CCNH: variants seen among roughly 807,000 people sequenced by gnomAD.
CCNH encodes the protein cyclin-H.
In CCNH, 31 loss-of-function variants were observed where a neutral mutation model predicts 41.9. The ratio of observed to expected loss-of-function variants is 0.74; its 90% confidence interval spans 0.56 to 1.00. The LOEUF (loss-of-function observed/expected upper bound fraction) is 1.00, where lower values mean the gene tolerates loss of function less well. Among genes scored for constraint, CCNH ranks in the 50% least tolerant of loss-of-function variants. The pLI is 0.00. For missense variants in CCNH, 362 were observed against 388.4 expected, an observed-to-expected ratio of 0.93 and a Z score of 0.57; for synonymous variants, 138 against 136.1, an observed-to-expected ratio of 1.01 and a Z score of -0.10.
chr5:87,340,773 G>A (rs1044107676), intron 9 of CCNH, among the ~76,000 whole-genome samples: 2 of 152,032 alleles, frequency 1.3e-5, no homozygotes, highest in South Asian at 2.1e-4. Flanking sequence ...AGCAAAAAGT[G>A]GAAAGTACAT....
intron 4 of CCNH, among the ~76,000 whole-genome samples, chr5:87,406,414 C>T (rs1763794002): frequency 6.6e-6 from 1 of 152,192 alleles, no homozygotes; most frequent in Non-Finnish European, 1.5e-5. Flanking sequence ...CCTGGGGGTT[C>T]TTCCTCTGTC....
intron 2 of CCNH, among the ~76,000 whole-genome samples, chr5:87,410,749 A>G (rs1764169870): frequency 6.6e-6 from 1 of 152,152 alleles, no homozygotes. Flanking sequence ...TGAAACAATA[A>G]GGCAATCTTT....
rs146211681 is a variant in CCNH at position 87,395,999 on chromosome 5, C to T, written c.873-895G>A. On this transcript the variant is annotated intron_variant, in intron 7 of 8. Coordinates refer to ENST00000256897, the MANE Select transcript of CCNH (RefSeq NM_001239.4). Reference sequence around the variant, plus strand: ...ATAAGTACAATCAGCCTTCTGTATCCTGTGGGTTCCACATCTGTGGACTAA... The same window carrying T: ...ATAAGTACAATCAGCCTTCTGTATCTTGTGGGTTCCACATCTGTGGACTAA... 1.7e-3 allele frequency among the ~76,000 whole-genome samples: 252 copies of T among 151,760 alleles called. 1 individual carries two copies. The highest frequency in any genetic ancestry group is 5.9e-3 in the African/African-American group (242 of 41,340).
chr5:87,372,931 C>T (rs1423738298), downstream of CCNH, among the ~76,000 whole-genome samples: 2 of 152,066 alleles, frequency 1.3e-5, no homozygotes, highest in Admixed American at 1.3e-4. Flanking sequence ...ATTTAGGTGA[C>T]TAAATAGTCC....
intron 7 of CCNH, among the ~76,000 whole-genome samples, chr5:87,397,101 T>C (rs982439226): frequency 2.6e-5 from 4 of 152,126 alleles, no homozygotes; most frequent in Admixed American, 6.5e-5. Flanking sequence ...GTACCAGAGC[T>C]GGTCCATGAA....
chr5:87,337,862 C>A, intron 9 of CCNH: 3 of 1,156,728 alleles, frequency 2.6e-6, no homozygotes, highest in Admixed American at 3.0e-5. Flanking sequence ...GACTCTAATT[C>A]CTTACATTTT....
rs553475919 is a variant in CCNH at position 87,331,944 on chromosome 5, T to A, written c.*91-13047A>T. Reference sequence around the variant, plus strand: ...AGACATATAAATTTTCAAGTACAAATATTCTGTATATATAAACATATTTAC... The same window carrying A: ...AGACATATAAATTTTCAAGTACAAAAATTCTGTATATATAAACATATTTAC... On this transcript the variant is annotated intron_variant and NMD_transcript_variant, in intron 9 of 9. Coordinates refer to the CCNH transcript ENST00000645953. Among the ~76,000 whole-genome samples, 7 of 152,244 alleles carry A rather than the reference T, an allele frequency of 4.6e-5. No individual in the cohort carries two copies. The East Asian group carries it at 1.3e-3, about 29-fold the overall frequency.
At chr5:87,334,441 C>T (rs1367200559) in intron 9 of CCNH, among the ~76,000 whole-genome samples, 2 of 152,182 alleles carry the variant, frequency 1.3e-5, no homozygotes, top group Non-Finnish European at 2.9e-5. Flanking sequence ...TATCCAGAAA[C>T]ACCCTCACAG....
At position 87,394,426 on chromosome 5, in the gene CCNH, G is replaced by A. The variant is rs573295061; in HGVS notation, c.*20C>T. Reference sequence around the variant, plus strand: ...CTACTTCTCTTGATTAGTTAGCATTGAGAAATCAACTTCAAATGGTTAGAG... The same window carrying A: ...CTACTTCTCTTGATTAGTTAGCATTAAGAAATCAACTTCAAATGGTTAGAG... On this transcript the variant is annotated 3_prime_UTR_variant, in exon 9 of 9. Coordinates refer to ENST00000256897, the MANE Select transcript of CCNH (RefSeq NM_001239.4). 3.1e-6 allele frequency: 5 copies of A among 1,610,298 alleles called. No individual in the cohort carries two copies. The South Asian group carries it at 3.3e-5, about 11-fold the overall frequency.
intron 6 of CCNH, 61 bp from the exon 7 acceptor site, chr5:87,399,566 G>A: frequency 9.4e-7 from 1 of 1,059,626 alleles, no homozygotes; most frequent in Non-Finnish European, 1.5e-6. Flanking sequence ...CATAGTAAGG[G>A]AGCTGGTTAC....
downstream of CCNH, among the ~76,000 whole-genome samples, chr5:87,373,554 G>A (rs1761103893): frequency 6.6e-6 from 1 of 152,082 alleles, no homozygotes; most frequent in African/African-American, 2.4e-5. Context: ...GAGGCTTAGA[G>A]GGACGGATTT....
At chr5:87,412,401 C>T (rs574348008) in intron 1 of CCNH, 404 of 1,213,582 alleles carry the variant, frequency 3.3e-4, no homozygotes, top group Non-Finnish European at 4.1e-4. Flanking sequence ...AAGTGAACGG[C>T]TCTTGCCACG....
intron 9 of CCNH, among the ~76,000 whole-genome samples, chr5:87,340,643 T>A (rs1378770997): frequency 1.3e-5 from 2 of 152,134 alleles, no homozygotes; most frequent in Admixed American, 1.3e-4. Context: ...GGGGGATGTC[T>A]TTTATATTGA....
chr5:87,333,732 C>A (rs1757759633), intron 9 of CCNH, among the ~76,000 whole-genome samples: 1 of 152,036 alleles, frequency 6.6e-6, no homozygotes, highest in Non-Finnish European at 1.5e-5. Flanking sequence ...TAGAACTATG[C>A]AACATGTTAG....
At chr5:87,391,048 T>C, downstream of CCNH, 1 of 728,876 alleles carries the variant, frequency 1.4e-6, no homozygotes. Context: ...TGAATAACTA[T>C]GCCAGCAACC....
chr5:87,338,945 A>C (rs912825897), intron 9 of CCNH, among the ~76,000 whole-genome samples: 4 of 152,072 alleles, frequency 2.6e-5, no homozygotes, highest in African/African-American at 9.7e-5. Flanking sequence ...TGCATTTTTA[A>C]TAACAGGTCA....
At chr5:87,409,108 A>G in intron 3 of CCNH, 182 bp downstream of exon 3, 2 of 387,320 alleles carry the variant, frequency 5.2e-6, no homozygotes, top group Non-Finnish European at 9.2e-6. Context: ...ACTGAAGTAC[A>G]GGTAAACAGA....
downstream of CCNH, chr5:87,392,118 A>G: frequency 2.6e-6 from 1 of 379,242 alleles, no homozygotes; most frequent in South Asian, 2.1e-5. Flanking sequence ...TGCAGGGCAG[A>G]TAGATAGGAC....
intron 9 of CCNH, chr5:87,369,969 A>G: frequency 3.1e-6 from 4 of 1,284,528 alleles, no homozygotes; most frequent in Non-Finnish European, 3.4e-6. Flanking sequence ...TAACTGGAAT[A>G]GAAAATGATC....
Sources: gnomAD v4.1 joint callset for allele counts (sites outside exome capture counted in the v4.1 genomes callset) on GRCh38, gnomAD v4.1.1 for gene constraint, MANE v1.5 for transcripts, NCBI Gene and HGNC (gene_info 2026-07-23, HGNC 2026-07-21) for gene names.